MSR1: variants seen among roughly 807,000 people sequenced by gnomAD.
The protein encoded by MSR1 is macrophage scavenger receptor 1, also known as macrophage scavenger receptor types I and II.
MSR1 carries 53 observed loss-of-function variants against 47.2 expected under a neutral mutation model. The observed-to-expected ratio is 1.12, with a 90% CI of 0.90 to 1.41. The LOEUF (loss-of-function observed/expected upper bound fraction) is 1.41, where lower values mean the gene tolerates loss of function less well. Among genes scored for constraint, MSR1 ranks in the 40% most tolerant of loss-of-function variants. The probability of loss-of-function intolerance (pLI) is 0.00; values close to 1 mark genes in which losing one functional copy is unlikely to be tolerated. For synonymous variants in MSR1, 239 were observed against 185.6 expected (o/e 1.29, Z -2.34); for missense variants, 786 against 546.9 (o/e 1.44, Z -4.36).
chr8:16,158,547 T>C (rs1801072906), intron 5 of MSR1, among the ~76,000 whole-genome samples: 1 of 151,986 alleles, frequency 6.6e-6, no homozygotes, highest in South Asian at 2.1e-4. Context: ...AATCTTCTAC[T>C]CCGTTTTCAA....
chr8:16,187,685 A>T (rs1379166695), intron 1 of MSR1, among the ~76,000 whole-genome samples: 1 of 152,142 alleles, frequency 6.6e-6, no homozygotes, highest in African/African-American at 2.4e-5. Context: ...ATATTTTTCA[A>T]GATGACTGGA....
intron 8 of MSR1, among the ~76,000 whole-genome samples, chr8:16,130,766 G>T (rs1412855936): frequency 6.6e-6 from 1 of 151,872 alleles, no homozygotes; most frequent in Non-Finnish European, 1.5e-5. Context: ...TGTTTGTAAG[G>T]ATAATGGCCT....
intron 7 of MSR1, among the ~76,000 whole-genome samples, chr8:16,146,766 C>T (rs1474573691): frequency 2.6e-5 from 4 of 152,016 alleles, no homozygotes; most frequent in African/African-American, 7.2e-5. Context: ...TCTCTTTGTA[C>T]CTTTCCACTC....
Position 16,141,024 on chromosome 8 carries a change from T to C in MSR1, c.1033+2534A>G, listed in dbSNP as rs745593339. ...ATCTTAAGAGGGCCCTGCCCTAATA[T>C]GATCAGTGAGTTGTACTGGTCCTGA... is the stretch of plus-strand genomic sequence containing the variant. On this transcript the variant is annotated intron_variant, in intron 8 of 9. Transcript: ENST00000262101. 11 of 1,613,408 alleles carry C rather than the reference T, an allele frequency of 6.8e-6. No homozygotes were observed. The East Asian group carries it at 1.6e-4, about 23-fold the overall frequency.
At chr8:16,151,245 T>C (rs993115736) in intron 6 of MSR1, among the ~76,000 whole-genome samples, 1 of 152,118 alleles carries the variant, frequency 6.6e-6, no homozygotes, top group Non-Finnish European at 1.5e-5. Flanking sequence ...CCTCCAATGC[T>C]GACTTCTCAA....
At position 16,139,353 on chromosome 8, in the gene MSR1, T is replaced by C. The variant is rs1352145395; in HGVS notation, c.1033+4205A>G. The C allele has an allele frequency of 5.3e-6, 5 of 948,132 alleles. No homozygotes were observed. The African/African-American group carries it at 7.1e-5, about 13-fold the overall frequency. 58.7% of individuals were successfully genotyped at this position (948,132 alleles called of 1,614,324 possible). A position where few individuals can be genotyped will look rare whatever the true frequency, so the allele number is the denominator to read the frequency against. On this transcript the variant is annotated intron_variant, in intron 8 of 9. Transcript: ENST00000262101. ...AAGGACTTTATGATTTCACAGAGCA[T>C]CTTCACACACACAATATCTTACTTG...
At position 16,175,698 on chromosome 8, in the gene MSR1, T is replaced by A. The variant is rs139603802; in HGVS notation, c.104-398A>T. On this transcript the variant is annotated intron_variant, in intron 2 of 9. Transcript: ENST00000262101. ...CTAAAGTAACTATGCAATTTTTTAA[T>A]ATTTTAAAATCAGATAGGGCAAATA... Among the ~76,000 whole-genome samples the A allele has an allele frequency of 1.5e-3, 225 of 152,358 alleles. 1 individual carries two copies. The highest frequency in any genetic ancestry group is 5.2e-3 in the African/African-American group (218 of 41,598).
At chr8:16,122,038 A>G (rs955076800) in intron 8 of MSR1, among the ~76,000 whole-genome samples, 1 of 152,050 alleles carries the variant, frequency 6.6e-6, no homozygotes, top group East Asian at 1.9e-4. Context: ...AGCTATGCAG[A>G]AACATAAAAG....
At chr8:16,143,453 G>C in intron 8 of MSR1, 105 bp downstream of exon 8, 1 of 921,156 alleles carries the variant, frequency 1.1e-6, no homozygotes, top group Non-Finnish European at 1.8e-6. Flanking sequence ...AGTCTGTATG[G>C]ATCTGTGCTG....
In MSR1 at chr8:16,110,207, T is replaced by G. The variant is rs369595831; in HGVS notation, c.1234A>C (p.Ile412Leu). Residue 412 changes from isoleucine (I) to leucine (L), a missense_variant, in exon 10 of 10, where the codon ATA becomes CTA. Ile to Leu is a conservative substitution (Grantham distance 5). Transcript: ENST00000262101. ...AAHFGQGTGPIWLNEVFCFGR... is the reference protein window; with the variant it reads ...AAHFGQGTGPLWLNEVFCFGR... ...AAACAAAACACTTCATTCAGCCATA[T>G]TGGACCAGTACCTGCAATAATGAGG... 6.2e-7 allele frequency: 1 copy of G among 1,613,596 alleles called. No individual in the cohort carries two copies. The highest frequency in any genetic ancestry group is 8.5e-7 in the Non-Finnish European group (1 of 1,179,636).
intron 1 of MSR1, among the ~76,000 whole-genome samples, chr8:16,189,716 T>C (rs193125326): frequency 1.6e-5 from 1 of 60,892 alleles, no homozygotes; most frequent in African/African-American, 8.8e-5. Flanking sequence ...TAAAATCTTA[T>C]TTTATATATA....
At chr8:16,169,690 T>G (rs1384793529) in intron 3 of MSR1, among the ~76,000 whole-genome samples, 4 of 151,990 alleles carry the variant, frequency 2.6e-5, no homozygotes, top group African/African-American at 9.7e-5. Flanking sequence ...AAACAACTTT[T>G]TAATGTAATG....
intron 8 of MSR1, 174 bp from the exon 9 acceptor site, chr8:16,120,780 A>C (rs1585136273): frequency 1.2e-6 from 1 of 811,930 alleles, no homozygotes; most frequent in African/African-American, 1.7e-5. Context: ...ATTGGTAAAG[A>C]GTTTAACTGC....
At chr8:16,132,184 T>C (rs1334136145) in intron 8 of MSR1, among the ~76,000 whole-genome samples, 4 of 152,246 alleles carry the variant, frequency 2.6e-5, no homozygotes, top group Middle Eastern at 3.4e-3. Context: ...TTTGTAGTTC[T>C]CCTTGTAGAA....
chr8:16,148,880 G>T (rs151236623), intron 7 of MSR1, among the ~76,000 whole-genome samples: 2 of 152,124 alleles, frequency 1.3e-5, no homozygotes, highest in African/African-American at 4.8e-5. Context: ...ACCATGGAAA[G>T]ATATAGAGAA....
chr8:16,149,572 A>G (rs1369064405), intron 7 of MSR1, among the ~76,000 whole-genome samples: 2 of 152,078 alleles, frequency 1.3e-5, no homozygotes, highest in East Asian at 1.9e-4. Flanking sequence ...ATGAGGAGAC[A>G]GTAAGCCTAG....
At chr8:16,146,635 C>G (rs898023267) in intron 7 of MSR1, among the ~76,000 whole-genome samples, 4 of 152,046 alleles carry the variant, frequency 2.6e-5, no homozygotes, top group Non-Finnish European at 4.4e-5. Flanking sequence ...CTGTGTTTGC[C>G]TTTTTTCATG....
intron 8 of MSR1, among the ~76,000 whole-genome samples, 180 bp downstream of exon 8, chr8:16,143,378 A>G (rs1218675950): frequency 4.6e-5 from 7 of 152,132 alleles, no homozygotes; most frequent in Non-Finnish European, 8.8e-5. Flanking sequence ...GTTGTATAAT[A>G]TAATCTATTT....
intron 2 of MSR1, among the ~76,000 whole-genome samples, chr8:16,176,935 T>A (rs1801666581): frequency 6.6e-6 from 1 of 152,228 alleles, no homozygotes; most frequent in African/African-American, 2.4e-5. Flanking sequence ...GCTTTAACTT[T>A]GTATATGCTG....
Sources: allele counts gnomAD v4.1 joint callset (sites outside exome capture counted in the v4.1 genomes callset), GRCh38; gene constraint gnomAD v4.1.1; transcripts MANE v1.5; gene names NCBI Gene and HGNC (gene_info 2026-07-23, HGNC 2026-07-21).